TUBB8B: variants seen among roughly 807,000 people sequenced by gnomAD.
TUBB8B encodes tubulin beta 8B, also known as HSA18p11 beta-tubulin 4Q pseudogene.
A neutral mutation model predicts 31.9 loss-of-function variants in TUBB8B; 26 were observed. The observed-to-expected ratio is 0.81, with a 90% CI of 0.60 to 1.13. The LOEUF is 1.13. Among genes scored for constraint, TUBB8B ranks in the 50% most tolerant of loss-of-function variants. The probability of loss-of-function intolerance (pLI) is 0.00; values close to 1 mark genes in which losing one functional copy is unlikely to be tolerated. For missense variants in TUBB8B, 467 were observed against 586.7 expected (o/e 0.80, Z 2.11); for synonymous variants, 173 against 231.0 (o/e 0.75, Z 2.28).
chr18:72,948 C>G, the TUBB8B span, among the ~76,000 whole-genome samples: 4 of 152,040 alleles, frequency 2.6e-5, no homozygotes, highest in Admixed American at 1.3e-4. Flanking sequence ...ACCTGGGAAA[C>G]GAGCGAAAGT....
chr18:70,939 C>CA, the TUBB8B span, among the ~76,000 whole-genome samples: 49 of 129,508 alleles, frequency 3.8e-4, no homozygotes, highest in East Asian at 4.4e-4. Context: ...AAATCTGTCT[C>CA]AAAAAAAAAA....
At chr18:72,157 G>A in the TUBB8B span, among the ~76,000 whole-genome samples, 1 of 73,662 alleles carries the variant, frequency 1.4e-5, no homozygotes. Flanking sequence ...CAGCCTGGGA[G>A]ACAGAGCGAG....
chr18:60,792 T>C, the TUBB8B span, among the ~76,000 whole-genome samples: 1 of 151,920 alleles, frequency 6.6e-6, no homozygotes, highest in East Asian at 1.9e-4. Flanking sequence ...TTTTAATTGA[T>C]TTCTAGTTTG....
At chr18:60,910 A>C in the TUBB8B span, among the ~76,000 whole-genome samples, 1 of 151,670 alleles carries the variant, frequency 6.6e-6, no homozygotes, top group African/African-American at 2.4e-5. Context: ...ATGTGCAGAG[A>C]AGAACAATGT....
At chr18:58,292 C>A in the TUBB8B span, among the ~76,000 whole-genome samples, 1 of 151,690 alleles carries the variant, frequency 6.6e-6, no homozygotes, top group Admixed American at 6.6e-5. Context: ...TTACGCTATG[C>A]TTCCCTTGCA....
At chr18:63,306 A>G in the TUBB8B span, among the ~76,000 whole-genome samples, 5 of 151,856 alleles carry the variant, frequency 3.3e-5, no homozygotes, top group African/African-American at 4.8e-5. Context: ...AAAGAGACTT[A>G]GGTCCCAAGC....
At chr18:62,310 T>C in the TUBB8B span, among the ~76,000 whole-genome samples, 7 of 151,656 alleles carry the variant, frequency 4.6e-5, 1 homozygote, top group Non-Finnish European at 8.8e-5. Flanking sequence ...TGCCTTGAGG[T>C]GGTCTTCTTT....
chr18:56,426 T>A, the TUBB8B span, among the ~76,000 whole-genome samples: 4 of 151,882 alleles, frequency 2.6e-5, no homozygotes, highest in Non-Finnish European at 5.9e-5. Context: ...GGACATTTTT[T>A]AAAATACTGA....
chr18:71,563 AAAATTT>A, the TUBB8B span, among the ~76,000 whole-genome samples: 2 of 118,776 alleles, frequency 1.7e-5, no homozygotes, highest in African/African-American at 3.5e-5. Flanking sequence ...CAAACAAAAA[AAAATTT>A]AAAAAAAAAA....
the TUBB8B span, among the ~76,000 whole-genome samples, chr18:58,942 C>A: frequency 6.6e-6 from 1 of 151,712 alleles, no homozygotes; most frequent in African/African-American, 2.4e-5. Flanking sequence ...CAGAATCTTG[C>A]ACATCATAGG....
the TUBB8B span, among the ~76,000 whole-genome samples, chr18:60,456 ATTCT>A: frequency 1.3e-5 from 2 of 151,346 alleles, no homozygotes; most frequent in African/African-American, 4.8e-5. Flanking sequence ...TGTTTTCTTC[ATTCT>A]ATTTCTGCTC....
upstream of TUBB8B, chr18:49,940 G>T: frequency 4.3e-6 from 2 of 467,028 alleles, no homozygotes; most frequent in Non-Finnish European, 8.4e-6. Context: ...ACCTGTCCTA[G>T]ATTGATATTT....
At chr18:51,591 C>G (rs532440860), upstream of TUBB8B, among the ~76,000 whole-genome samples, 2 of 152,124 alleles carry the variant, frequency 1.3e-5, no homozygotes, top group African/African-American at 4.8e-5. Context: ...AGGCACCCAC[C>G]ACCATGCCTG....
chr18:62,025 T>C, the TUBB8B span, among the ~76,000 whole-genome samples: 1 of 151,872 alleles, frequency 6.6e-6, no homozygotes, highest in Non-Finnish European at 1.5e-5. Flanking sequence ...ACAGGTCTGG[T>C]GTTAATGAAA....
chr18:48,297 G>GT lies in TUBB8B; in HGVS notation c.427dup (p.Thr143AsnfsTer11). ...GAGAAGGGTACCCATCCCAGACCCA[G>GT]TCCCCCCACCCAGGGAGTGGGTCAG... On this transcript the variant is annotated frameshift_variant, in exon 4 of 4. Coordinates refer to ENST00000308911, the MANE Select transcript of TUBB8B (RefSeq NM_001358689.2). LOFTEE classifies it high-confidence loss of function. 6.2e-7 allele frequency: 1 copy of GT among 1,611,814 alleles called. No individual in the cohort carries two copies. The highest frequency in any genetic ancestry group is 8.5e-7 in the Non-Finnish European group (1 of 1,178,264).
At chr18:71,841 C>G in the TUBB8B span, among the ~76,000 whole-genome samples, 1 of 151,762 alleles carries the variant, frequency 6.6e-6, no homozygotes, top group East Asian at 2.0e-4. Context: ...TGAGATCGCG[C>G]CACTGCAGTC....
the TUBB8B span, among the ~76,000 whole-genome samples, chr18:66,524 C>G: frequency 6.8e-4 from 104 of 152,242 alleles, 1 homozygote; most frequent in Admixed American, 5.1e-3. Context: ...GCACTCCAGC[C>G]TGGGAGACAA....
chr18:70,362 G>A, the TUBB8B span, among the ~76,000 whole-genome samples: 1 of 152,166 alleles, frequency 6.6e-6, no homozygotes, highest in Non-Finnish European at 1.5e-5. Flanking sequence ...ACAGGGCATG[G>A]TGGCTCATGC....
At chr18:48,683 CCCATT>C (rs1196630431) in intron 3 of TUBB8B, 2 of 662,470 alleles carry the variant, frequency 3.0e-6, no homozygotes, top group Non-Finnish European at 5.5e-6. Context: ...GTGGCTCCTG[CCCATT>C]CTCAGGAAAG....
Sources: allele counts gnomAD v4.1 joint callset (sites outside exome capture counted in the v4.1 genomes callset), GRCh38; gene constraint gnomAD v4.1.1; transcripts MANE v1.5; gene names NCBI Gene and HGNC (gene_info 2026-07-23, HGNC 2026-07-21).